Variants in SEMA6D observed in about 807,000 individuals in gnomAD.
SEMA6D encodes semaphorin-6D.
In SEMA6D, 35 loss-of-function variants were observed where a neutral mutation model predicts 106.6. The observed-to-expected ratio is 0.33, with a 90% CI of 0.25 to 0.44. The LOEUF is 0.44. SEMA6D is among the 20% of genes least tolerant of loss of function. The pLI is 1.00. For synonymous variants in SEMA6D, 499 were observed against 487.7 expected, an observed-to-expected ratio of 1.02 and a Z score of -0.31; for missense variants, 1,185 against 1,345.9, an observed-to-expected ratio of 0.88 and a Z score of 1.87.
intron 1 of SEMA6D, among the ~76,000 whole-genome samples, chr15:47,226,666 A>G (rs2031690036): frequency 6.6e-6 from 1 of 152,148 alleles, no homozygotes; most frequent in African/African-American, 2.4e-5. Context: ...CACTGATAAG[A>G]TAGCAGGAGA....
intron 4 of SEMA6D, among the ~76,000 whole-genome samples, chr15:47,629,025 A>C (rs2077249877): frequency 6.6e-6 from 1 of 152,046 alleles, no homozygotes. Flanking sequence ...CACCTTTGCC[A>C]AGAATCCATT....
chr15:47,737,303 T>C (rs991096367), intron 1 of SEMA6D, among the ~76,000 whole-genome samples: 9 of 151,958 alleles, frequency 5.9e-5, no homozygotes, highest in African/African-American at 1.9e-4. Context: ...TTGGTTTTAT[T>C]GAACAGACAG....
intron 1 of SEMA6D, among the ~76,000 whole-genome samples, chr15:47,734,781 CA>C (rs1480085162): frequency 6.6e-6 from 1 of 152,038 alleles, no homozygotes; most frequent in African/African-American, 2.4e-5. Context: ...ACTCTACTTT[CA>C]AAACTAGAAA....
chr15:47,350,741 T>G (rs553380550), intron 1 of SEMA6D, among the ~76,000 whole-genome samples: 1 of 152,332 alleles, frequency 6.6e-6, no homozygotes, highest in South Asian at 2.1e-4. Flanking sequence ...GCTTTAGCTA[T>G]TGAGCTTAAG....
chr15:47,221,114 T>C (rs1307025877), intron 1 of SEMA6D, among the ~76,000 whole-genome samples: 1 of 152,172 alleles, frequency 6.6e-6, no homozygotes, highest in Non-Finnish European at 1.5e-5. Context: ...GTGGAACACA[T>C]CCAAGCTCTG....
At chr15:47,388,780 T>G (rs2039931798) in intron 1 of SEMA6D, among the ~76,000 whole-genome samples, 1 of 144,634 alleles carries the variant, frequency 6.9e-6, no homozygotes, top group Non-Finnish European at 1.5e-5. Flanking sequence ...GGAGGCATAA[T>G]GGAGATGCAG....
chr15:47,566,503 A>T (rs1379264752), intron 3 of SEMA6D, among the ~76,000 whole-genome samples: 1 of 152,264 alleles, frequency 6.6e-6, no homozygotes, highest in African/African-American at 2.4e-5. Context: ...GAGTTCCCAC[A>T]TCTGTAGGGA....
chr15:47,540,472 A>G (rs2045321706), intron 3 of SEMA6D, among the ~76,000 whole-genome samples: 1 of 152,182 alleles, frequency 6.6e-6, no homozygotes, highest in Non-Finnish European at 1.5e-5. Context: ...TTATTCAGTC[A>G]TAAATTGAGT....
intron 1 of SEMA6D, among the ~76,000 whole-genome samples, chr15:47,254,325 G>GTA (rs2033677829): frequency 1.3e-5 from 1 of 78,652 alleles, no homozygotes; most frequent in Admixed American, 1.6e-4. Context: ...ATATATGTGT[G>GTA]TGTGTGTATA....
chr15:47,450,019 G>A (rs1052449621), intron 2 of SEMA6D, among the ~76,000 whole-genome samples: 1 of 152,000 alleles, frequency 6.6e-6, no homozygotes, highest in African/African-American at 2.4e-5. Context: ...TTTAAGAAGC[G>A]GCTGACCTTT....
intron 1 of SEMA6D, among the ~76,000 whole-genome samples, chr15:47,346,532 A>G (rs1021923323): frequency 6.6e-6 from 1 of 152,210 alleles, no homozygotes; most frequent in African/African-American, 2.4e-5. Context: ...TTACCAGATG[A>G]TAGCACAAGG....
intron 1 of SEMA6D, among the ~76,000 whole-genome samples, chr15:47,240,550 C>G (rs1416856068): frequency 6.6e-6 from 1 of 152,094 alleles, no homozygotes; most frequent in South Asian, 2.1e-4. Context: ...AGCATTTAGT[C>G]TCTATGATTT....
intron 1 of SEMA6D, among the ~76,000 whole-genome samples, chr15:47,316,273 T>C (rs1013334210): frequency 4.6e-5 from 7 of 151,612 alleles, no homozygotes; most frequent in South Asian, 2.1e-4. Flanking sequence ...TATATTTTTA[T>C]TGGAGACAGG....
At chr15:47,717,174 G>C (rs563052708), upstream of SEMA6D, 15 of 152,412 alleles carry the variant, frequency 9.8e-5, no homozygotes, top group African/African-American at 3.4e-4. Context: ...TGAGGCACTG[G>C]GAGTTGCTAG....
At chr15:47,192,724 G>T (rs1894050741) in intron 1 of SEMA6D, among the ~76,000 whole-genome samples, 1 of 152,122 alleles carries the variant, frequency 6.6e-6, no homozygotes, top group African/African-American at 2.4e-5. Context: ...TTAAAAGGCT[G>T]CCCTATCAGA....
chr15:47,774,055 G>A lies in SEMA6D; in HGVS notation c.*2270G>A, dbSNP rs1449923787. 6.6e-6 allele frequency: 1 copy of A among 152,422 alleles called. No homozygotes were observed. The highest frequency in any genetic ancestry group is 1.5e-5 in the Non-Finnish European group (1 of 68,008). 9.4% of individuals were successfully genotyped at this position (152,422 alleles called of 1,614,324 possible). A position where few individuals can be genotyped will look rare whatever the true frequency, so the allele number is the denominator to read the frequency against. ...AAACGCAGATTGTATCTTTTTTAAT[G>A]GTACGGCATAAAAAGTAACCCTCAA... On this transcript the variant is annotated 3_prime_UTR_variant, in exon 19 of 19. Coordinates refer to ENST00000536845, the MANE Select transcript of SEMA6D (RefSeq NM_001358351.3).
intron 4 of SEMA6D, among the ~76,000 whole-genome samples, chr15:47,612,138 C>T (rs1485792408): frequency 6.6e-6 from 1 of 152,076 alleles, no homozygotes; most frequent in East Asian, 1.9e-4. Context: ...GAATGATATA[C>T]TCTCCAGAGT....
chr15:47,478,210 C>G (rs1247171541), intron 3 of SEMA6D, among the ~76,000 whole-genome samples: 1 of 152,160 alleles, frequency 6.6e-6, no homozygotes, highest in Non-Finnish European at 1.5e-5. Flanking sequence ...TTATTTTTCA[C>G]TTTAGCCCCA....
chr15:47,573,311 C>G (rs1465230025), intron 3 of SEMA6D, among the ~76,000 whole-genome samples: 1 of 151,752 alleles, frequency 6.6e-6, no homozygotes, highest in African/African-American at 2.4e-5. Flanking sequence ...AAAAAAAAAT[C>G]AGAAAATAAG....
Sources: allele counts gnomAD v4.1 joint callset (sites outside exome capture counted in the v4.1 genomes callset), GRCh38; gene constraint gnomAD v4.1.1; transcripts MANE v1.5; gene names NCBI Gene and HGNC (gene_info 2026-07-23, HGNC 2026-07-21).